Variants in CBL observed in about 807,000 individuals in gnomAD.
CBL encodes the protein Cbl proto-oncogene, also known as E3 ubiquitin-protein ligase CBL.
CBL carries 45 observed loss-of-function variants against 96.9 expected under a neutral mutation model. That is an observed-to-expected ratio of 0.46 (90% CI 0.37 to 0.60). CBL has a LOEUF of 0.60. Among genes scored for constraint, CBL ranks in the 20% least tolerant of loss-of-function variants. The pLI, the probability that CBL is intolerant of heterozygous loss-of-function variation, is 0.00. For synonymous variants in CBL, 420 were observed against 426.8 expected (o/e 0.98, Z 0.20); for missense variants, 1,024 against 1,143.5 (o/e 0.90, Z 1.51).
Position 119,276,022 on chromosome 11 carries a change from C to T in CBL, c.895C>T (p.Arg299Cys), listed in dbSNP as rs1053471259. The T allele has an allele frequency of 1.9e-6, 3 of 1,614,090 alleles. No individual in the cohort carries two copies. The highest frequency in any genetic ancestry group is 2.5e-6 in the Non-Finnish European group (3 of 1,179,940). Reference protein sequence around the residue: ...GSYIFRLSCTRLGQWAIGYVT... With the variant: ...GSYIFRLSCTCLGQWAIGYVT... Reference sequence around the variant, plus strand: ...TTATATCTTCCGGCTGAGCTGTACTCGTCTGGGTCAGTGGGCTATTGGGTA... The same window carrying T: ...TTATATCTTCCGGCTGAGCTGTACTTGTCTGGGTCAGTGGGCTATTGGGTA... The change falls in exon 6 of 16, where the codon CGT (arginine) becomes TGT (cysteine). Residue 299 changes from arginine to cysteine, a missense_variant. Physicochemically the swap from Arg to Cys is radical, Grantham distance 180. Coordinates refer to ENST00000264033, the MANE Select transcript of CBL (RefSeq NM_005188.4).
Position 119,285,336 on chromosome 11 carries a change from G to A in CBL, c.1711G>A (p.Asp571Asn), listed in dbSNP as rs483352825. 1.2e-6 allele frequency: 2 copies of A among 1,614,078 alleles called. No homozygotes were observed. The highest frequency in any genetic ancestry group is 1.3e-5 in the African/African-American group (1 of 75,002). ...QRRPLPCTPG[D>N]CPSRDKLPPV... Reference sequence around the variant, plus strand: ...ACGCCCCTTGCCTTGTACACCAGGCGACTGTCCCTCCAGAGACAAACTGCC... The same window carrying A: ...ACGCCCCTTGCCTTGTACACCAGGCAACTGTCCCTCCAGAGACAAACTGCC... Residue 571 changes from aspartate (D) to asparagine (N), a missense_variant, in exon 11 of 16, where the codon GAC (aspartate) becomes AAC (asparagine). This residue lies in a region of CBL where 695 missense variants were observed against 661.6 expected (regional missense o/e 1.05). Transcript: ENST00000264033.
At position 119,302,508 on chromosome 11, in the gene CBL, G is replaced by A. The variant is rs947415402; in HGVS notation, c.*2727G>A. 2 of 232,558 alleles carry A rather than the reference G, an allele frequency of 8.6e-6. No individual in the cohort carries two copies. The highest frequency in any genetic ancestry group is 1.7e-5 in the Non-Finnish European group (2 of 117,716). 14.4% of individuals were successfully genotyped at this position (232,558 alleles called of 1,614,324 possible). A position where few individuals can be genotyped will look rare whatever the true frequency, so the allele number is the denominator to read the frequency against. The stretch of plus-strand genomic sequence containing the variant: ...TTTGCCATTTTGGGCAAGCCCTTCC[G>A]CTTGTCCCTTCCTAGTGGCTAATAA... On this transcript the variant is annotated 3_prime_UTR_variant, in exon 16 of 16. Coordinates refer to ENST00000264033, the MANE Select transcript of CBL (RefSeq NM_005188.4).
intron 2 of CBL, among the ~76,000 whole-genome samples, chr11:119,251,377 A>G (rs972714510): frequency 6.6e-6 from 1 of 151,154 alleles, no homozygotes; most frequent in African/African-American, 2.5e-5. Context: ...ACCCAAAAAA[A>G]AGATAAGATA....
chr11:119,260,965 A>C (rs890660265), intron 2 of CBL, among the ~76,000 whole-genome samples: 1 of 51,256 alleles, frequency 2.0e-5, no homozygotes, highest in Non-Finnish European at 3.4e-5. Flanking sequence ...TTTTTAATGG[A>C]GGCAAAGTCT....
At position 119,298,338 on chromosome 11, in the gene CBL, C is replaced by T. The variant is rs2135320897; in HGVS notation, c.2252-20C>T. On this transcript the variant is annotated intron_variant, in intron 14 of 15. Transcript: ENST00000264033. ...GATGAAGTGCGTCAGAAGAAGATAA[C>T]ATCACTCATTTTTCTCCAGGTGAAG... 6.2e-7 allele frequency: 1 copy of T among 1,610,618 alleles called. No individual in the cohort carries two copies. The highest frequency in any genetic ancestry group is 8.5e-7 in the Non-Finnish European group (1 of 1,176,722).
At chr11:119,216,875 G>A (rs1021281854) in intron 1 of CBL, among the ~76,000 whole-genome samples, 1 of 151,974 alleles carries the variant, frequency 6.6e-6, no homozygotes, top group African/African-American at 2.4e-5. Flanking sequence ...CTTATCCTCG[G>A]TTACTCCGAG....
rs1482903908 is a variant in CBL at position 119,302,161 on chromosome 11, T to G, written c.*2380T>G. ...TCCAGCTCCCTGTGTTGTGTGTGTGTGCCATCCATGGGCTTGGGTGTCAGT... is the reference window on the plus strand; with the variant it reads ...TCCAGCTCCCTGTGTTGTGTGTGTGGGCCATCCATGGGCTTGGGTGTCAGT... On this transcript the variant is annotated 3_prime_UTR_variant, in exon 16 of 16. Coordinates refer to ENST00000264033, the MANE Select transcript of CBL (RefSeq NM_005188.4). 1 of 232,886 alleles carries G rather than the reference T, an allele frequency of 4.3e-6. No homozygotes were observed. The highest frequency in any genetic ancestry group is 6.0e-5 in the East Asian group (1 of 16,544). The allele number at this position is 232,886 out of a possible 1,614,324, so 14.4% of individuals were successfully genotyped here.
intron 13 of CBL, 83 bp from the exon 14 acceptor site, chr11:119,297,300 CA>C: frequency 4.4e-5 from 50 of 1,142,002 alleles, no homozygotes; most frequent in Non-Finnish European, 6.6e-5. Context: ...GTGATATTGG[CA>C]AAACGAGAAG....
chr11:119,231,836 A>G (rs1282137547), intron 1 of CBL, among the ~76,000 whole-genome samples: 3 of 150,794 alleles, frequency 2.0e-5, no homozygotes, highest in African/African-American at 7.3e-5. Context: ...GGCTGGACAC[A>G]GTGGCTCAGG....
At chr11:119,293,014 A>G (rs1950039486) in intron 12 of CBL, among the ~76,000 whole-genome samples, 1 of 152,196 alleles carries the variant, frequency 6.6e-6, no homozygotes, top group Non-Finnish European at 1.5e-5. Context: ...GCACCATTGT[A>G]AAGTTGAAAA....
chr11:119,273,373 C>T (rs1002456650), intron 3 of CBL, among the ~76,000 whole-genome samples: 1 of 152,142 alleles, frequency 6.6e-6, no homozygotes, highest in Non-Finnish European at 1.5e-5. Context: ...TTTGAGACTA[C>T]TACCCTGGAT....
At chr11:119,262,411 C>T (rs1376186447) in intron 2 of CBL, among the ~76,000 whole-genome samples, 1 of 152,142 alleles carries the variant, frequency 6.6e-6, no homozygotes, top group Non-Finnish European at 1.5e-5. Flanking sequence ...TACTACCATA[C>T]TGATGTTGGT....
At chr11:119,289,197 T>C (rs914518199) in intron 12 of CBL, among the ~76,000 whole-genome samples, 2 of 152,230 alleles carry the variant, frequency 1.3e-5, no homozygotes, top group Non-Finnish European at 2.9e-5. Context: ...TGAGGTCAAG[T>C]TTGTTAATTG....
In CBL at chr11:119,296,932, C is replaced by T. The variant is rs1485419246; in HGVS notation, c.2051C>T (p.Pro684Leu). The stretch of plus-strand genomic sequence containing the variant: ...TCATCTTCCAGACCTCTTCCTGTGC[C>T]AAAACTGCCACCTGGGGAGCAATGT... ...YSLAARPLPV[P>L]KLPPGEQCEG... is the part of the protein sequence containing the mutation. The change falls in exon 13 of 16, where the codon CCA becomes CTA. Residue 684 changes from proline to leucine, a missense_variant. Physicochemically the swap from Pro to Leu is moderately conservative, Grantham distance 98. Around this residue, in one of 4 missense-constraint regions of CBL, gnomAD observed 695 missense variants for 661.6 expected, o/e 1.05. Coordinates refer to ENST00000264033, the MANE Select transcript of CBL (RefSeq NM_005188.4). 2 of 1,600,182 alleles carry T rather than the reference C, an allele frequency of 1.2e-6. No homozygotes were observed. Among genetic ancestry groups the T allele is most frequent in the South Asian group, 1.1e-5 (1 of 90,820 alleles).
chr11:119,268,269 A>G (rs1949818739), intron 2 of CBL, among the ~76,000 whole-genome samples: 1 of 152,194 alleles, frequency 6.6e-6, no homozygotes, highest in Non-Finnish European at 1.5e-5. Flanking sequence ...TTTTAATTTT[A>G]ATTTTAATTT....
intron 2 of CBL, among the ~76,000 whole-genome samples, chr11:119,264,701 C>T (rs570047116): frequency 2.0e-5 from 3 of 151,816 alleles, no homozygotes; most frequent in Admixed American, 2.0e-4. Context: ...AGGCTGGTCT[C>T]GAACTTGTGA....
chr11:119,216,394 A>T (rs1243736045), intron 1 of CBL, among the ~76,000 whole-genome samples: 1 of 139,766 alleles, frequency 7.2e-6, no homozygotes, highest in Non-Finnish European at 1.5e-5. Flanking sequence ...ATTTTTTGAG[A>T]TGGAGTCTTG....
chr11:119,280,362 T>C (rs1409856373), intron 9 of CBL, among the ~76,000 whole-genome samples: 1 of 152,246 alleles, frequency 6.6e-6, no homozygotes, highest in Admixed American at 6.5e-5. Context: ...TTTTATTCCT[T>C]GTACTTTATA....
chr11:119,266,704 C>T (rs573917937), intron 2 of CBL, among the ~76,000 whole-genome samples: 3 of 152,060 alleles, frequency 2.0e-5, no homozygotes, highest in South Asian at 2.1e-4. Context: ...AAGAGGAAGA[C>T]GGAAGCTGTA....
Sources: gnomAD v4.1 joint callset for allele counts (sites outside exome capture counted in the v4.1 genomes callset) on GRCh38, gnomAD v4.1.1 for gene constraint, gnomAD v4.1.1 regional missense constraint, MANE v1.5 for transcripts, NCBI Gene and HGNC (gene_info 2026-07-23, HGNC 2026-07-21) for gene names.